Variants in PDGFB observed in about 807,000 individuals in gnomAD.
The protein encoded by PDGFB is platelet-derived growth factor subunit B.
In PDGFB, 6 loss-of-function variants were observed where a neutral mutation model predicts 29.0. That is an observed-to-expected ratio of 0.21 (90% confidence interval 0.11 to 0.41). The LOEUF (loss-of-function observed/expected upper bound fraction) is 0.41, where lower values mean the gene tolerates loss of function less well. Ranked by LOEUF, PDGFB falls within the 10% of genes least tolerant of loss-of-function variation. The probability of loss-of-function intolerance (pLI) is 1.00; values close to 1 mark genes in which losing one functional copy is unlikely to be tolerated. For synonymous variants in PDGFB, 144 were observed against 140.8 expected (o/e 1.02, Z -0.16); for missense variants, 299 against 341.8 (o/e 0.87, Z 0.99).
intron 1 of PDGFB, among the ~76,000 whole-genome samples, chr22:39,236,834 A>T (rs550859136): frequency 6.6e-6 from 1 of 152,330 alleles, no homozygotes; most frequent in South Asian, 2.1e-4. Flanking sequence ...GCACGTTCAA[A>T]GGCTGGAACC....
At chr22:39,235,742 C>T (rs74525460) in intron 2 of PDGFB, 36 bp downstream of exon 2, 12 of 1,475,348 alleles carry the variant, frequency 8.1e-6, no homozygotes, top group East Asian at 6.8e-5. Context: ...AAAGTCTCCT[C>T]GGAGGGCCGG....
At position 39,243,119 on chromosome 22, in the gene PDGFB, CG is replaced by C. The variant is rs1470494078; in HGVS notation, c.63+781del. The C allele has an allele frequency of 4.3e-6, 1 of 233,102 alleles. No individual in the cohort carries two copies. The highest frequency in any genetic ancestry group is 8.5e-6 in the Non-Finnish European group (1 of 118,042). 14.4% of individuals were successfully genotyped at this position (233,102 alleles called of 1,614,324 possible). ...CTCCTGCAGGGCGCGGGCACAGGTA[CG>C]GCAAGGCCTCAGGCACACAGCGCCC... On this transcript the variant is annotated intron_variant, in intron 1 of 6. Coordinates refer to ENST00000331163, the MANE Select transcript of PDGFB (RefSeq NM_002608.4). This position sits in a 1 kb window ranked among gnomAD's most constrained non-coding sequence, Gnocchi z 6.4.
chr22:39,227,082 C>A (rs573129794), intron 5 of PDGFB, among the ~76,000 whole-genome samples: 1 of 152,394 alleles, frequency 6.6e-6, no homozygotes, highest in African/African-American at 2.4e-5. Flanking sequence ...CCTCAGCCTC[C>A]CGAGTAGCTG....
At chr22:39,237,573 TCAAG>T in intron 1 of PDGFB, among the ~76,000 whole-genome samples, 1 of 152,280 alleles carries the variant, frequency 6.6e-6, no homozygotes, top group East Asian at 1.9e-4. Flanking sequence ...CCTCCCGCCC[TCAAG>T]CAAGTTCATT....
rs1245051069 is a variant in PDGFB at position 39,240,927 on chromosome 22, A to G, written c.63+2974T>C. 3,911 of 1,318,040 alleles carry G rather than the reference A, an allele frequency of 3.0e-3. 104 individuals are homozygous for G. Among genetic ancestry groups the G allele is most frequent in the Middle Eastern group, 5.0e-3 (26 of 5,166 alleles). The allele number at this position is 1,318,040 out of a possible 1,614,324, so 81.6% of individuals were successfully genotyped here. The stretch of plus-strand genomic sequence containing the variant: ...CTCTCTCTCTCTCAGATGCGCACAC[A>G]CACACACACACACACTCTCTCTCTC... On this transcript the variant is annotated intron_variant, in intron 1 of 6. Coordinates refer to ENST00000331163, the MANE Select transcript of PDGFB (RefSeq NM_002608.4).
chr22:39,232,888 C>A (rs1932344311), intron 3 of PDGFB, among the ~76,000 whole-genome samples: 1 of 152,196 alleles, frequency 6.6e-6, no homozygotes, highest in South Asian at 2.1e-4. Flanking sequence ...TGGACATTTG[C>A]CTCACCTGGG....
At position 39,231,599 on chromosome 22, in the gene PDGFB, G is replaced by T. The variant is rs749162284; in HGVS notation, c.456+23C>A. The T allele has an allele frequency of 4.0e-6, 6 of 1,515,570 alleles. No individual in the cohort carries two copies. The East Asian group carries it at 1.5e-4, about 37-fold the overall frequency. 93.9% of individuals were successfully genotyped at this position (1,515,570 alleles called of 1,614,324 possible). ...TCCACCCACCACCGGGACCAGCCTC[G>T]GGGGGCCGCGGAGCCTACGCACCTG... On this transcript the variant is annotated intron_variant, in intron 4 of 6. Transcript: ENST00000331163. The surrounding 1 kb of genome is among the most constrained non-coding windows in gnomAD (Gnocchi z 4.3).
chr22:39,238,106 C>A (rs994721142), intron 1 of PDGFB, among the ~76,000 whole-genome samples: 111 of 152,230 alleles, frequency 7.3e-4, no homozygotes, highest in African/African-American at 2.7e-3. Flanking sequence ...CCTGAACAGG[C>A]CGAGTGGACA....
At chr22:39,240,079 A>G (rs1371172163) in intron 1 of PDGFB, among the ~76,000 whole-genome samples, 1 of 152,198 alleles carries the variant, frequency 6.6e-6, no homozygotes, top group African/African-American at 2.4e-5. Context: ...AGCCATTAGA[A>G]CCAGTGTTTC....
rs372243206 is a variant in PDGFB at position 39,233,539 on chromosome 22, A to G, written c.161-15T>C. ...CCCATCTTCCTCTGCAGGAGAAGTC[A>G]CAGTCAGACACCAGGCGGCCCCACC... On this transcript the variant is annotated splice_polypyrimidine_tract_variant and intron_variant, in intron 2 of 6. Coordinates refer to ENST00000331163, the MANE Select transcript of PDGFB (RefSeq NM_002608.4). The G allele has an allele frequency of 1.2e-4, 185 of 1,565,742 alleles. No homozygotes were observed. The African/African-American group carries it at 2.3e-3, about 19-fold the overall frequency.
rs745779235 is a variant in PDGFB, at chr22:39,231,705, C to G, written c.373G>C (p.Val125Leu). ...NANFLVWPPC[V>L]EVQRCSGCCN... ...CAGCCGGAGCAGCGCTGCACCTCCA[C>G]ACAGGGCGGCCACACCAGGAAGTTG... Residue 125 changes from valine (V) to leucine (L), a missense_variant, in exon 4 of 7, where the codon GTG (valine) becomes CTG (leucine). By Grantham distance (32) the Val-to-Leu change is conservative. Transcript: ENST00000331163. This position sits in a 1 kb window ranked among gnomAD's most constrained non-coding sequence, Gnocchi z 4.3. The G allele has an allele frequency of 2.5e-6, 4 of 1,608,884 alleles. No homozygotes were observed. The highest frequency in any genetic ancestry group is 3.4e-6 in the Non-Finnish European group (4 of 1,178,080).
rs141135010 is a variant in PDGFB, at chr22:39,240,848, T to C, written c.63+3053A>G. The stretch of plus-strand genomic sequence containing the variant: ...GAGGGGAAGACAAGACGTGGAGAGG[T>C]ACTTACGAGGCCCATGATAAACATC... On this transcript the variant is annotated intron_variant, in intron 1 of 6. Transcript: ENST00000331163. The C allele has an allele frequency of 8.9e-4, 1,440 of 1,613,420 alleles. 17 individuals carry two copies. The African/African-American group carries it at 0.017, about 19-fold the overall frequency.
Position 39,236,915 on chromosome 22 carries a change from C to A in PDGFB, c.64-1041G>T, listed in dbSNP as rs5757572. Among the ~76,000 whole-genome samples, 6 of 152,048 alleles carry A rather than the reference C, an allele frequency of 3.9e-5. No homozygotes were observed. The East Asian group carries it at 5.8e-4, about 15-fold the overall frequency. On this transcript the variant is annotated intron_variant, in intron 1 of 6. Coordinates refer to ENST00000331163, the MANE Select transcript of PDGFB (RefSeq NM_002608.4). ...GGCTGCACGGTCTGGACAGACAGTC[C>A]TGGAGAGGGCATCAATAGGCTTGGC...
chr22:39,235,242 G>T lies in PDGFB; in HGVS notation c.160+536C>A, dbSNP rs189635901. ...ACAGGCCAGAGGTTAGAATAGAATG[G>T]AATTTGCTCTGAAGACAGCGTTTAT... On this transcript the variant is annotated intron_variant, in intron 2 of 6. Coordinates refer to ENST00000331163, the MANE Select transcript of PDGFB (RefSeq NM_002608.4). 2.6e-4 allele frequency among the ~76,000 whole-genome samples: 40 copies of T among 152,292 alleles called. No individual in the cohort carries two copies. In the East Asian group the frequency reaches 6.4e-3, roughly 24 times the overall value.
rs947900791 is a variant in PDGFB at position 39,244,960 on chromosome 22, C to G, written c.-997G>C. 6.6e-6 allele frequency among the ~76,000 whole-genome samples: 1 copy of G among 151,978 alleles called. No homozygotes were observed. The highest frequency in any genetic ancestry group is 6.6e-5 in the Admixed American group (1 of 15,262). On this transcript the variant is annotated 5_prime_UTR_variant, in exon 1 of 7. Transcript: ENST00000331163. This position sits in a 1 kb window ranked among gnomAD's most constrained non-coding sequence, Gnocchi z 4.5. ...CGCAGGGAGGCAGGCAGGCCGCTCC[C>G]GGCTGCAGGAGGAGAAGTTGCCACC...
At chr22:39,233,563 C>A (rs372950147) in intron 2 of PDGFB, 39 bp from the exon 3 acceptor site, 6 of 1,487,336 alleles carry the variant, frequency 4.0e-6, no homozygotes, top group Non-Finnish European at 5.5e-6. Flanking sequence ...GGCGGCCCCA[C>A]CTTGGGCAGG....
intron 5 of PDGFB, among the ~76,000 whole-genome samples, chr22:39,229,562 T>G (rs1674183819): frequency 6.6e-6 from 1 of 152,200 alleles, no homozygotes. Flanking sequence ...GAAGTTGATG[T>G]GCGCGGAGCT....
At chr22:39,239,172 T>G (rs902126088) in intron 1 of PDGFB, among the ~76,000 whole-genome samples, 1 of 152,102 alleles carries the variant, frequency 6.6e-6, no homozygotes, top group Admixed American at 6.6e-5. Context: ...TCATCATCAT[T>G]AATTCTTTCC....
At chr22:39,241,141 G>A (rs1471370666) in intron 1 of PDGFB, 18 of 555,672 alleles carry the variant, frequency 3.2e-5, no homozygotes, top group Non-Finnish European at 5.2e-5. Flanking sequence ...GCTGAGGCCA[G>A]ACGCGTCACG....
Sources: allele counts gnomAD v4.1 joint callset (sites outside exome capture counted in the v4.1 genomes callset), GRCh38; gene constraint gnomAD v4.1.1; non-coding constraint Gnocchi (gnomAD v3.1); transcripts MANE v1.5; gene names NCBI Gene and HGNC (gene_info 2026-07-23, HGNC 2026-07-21).